GRB10: variants seen among roughly 807,000 people sequenced by gnomAD.
GRB10 encodes growth factor receptor-bound protein 10.
In GRB10, 20 loss-of-function variants were observed where a neutral mutation model predicts 80.9. The observed-to-expected ratio is 0.25, with a 90% CI of 0.17 to 0.36. The LOEUF (loss-of-function observed/expected upper bound fraction) is 0.36. GRB10 is among the 10% of genes least tolerant of loss of function. GRB10 has a pLI of 1.00. For synonymous variants in GRB10, 291 were observed against 291.5 expected (o/e 1.00, Z 0.02); for missense variants, 548 against 747.7 (o/e 0.73, Z 3.12).
At chr7:50,684,972 T>C (rs1436173809) in intron 5 of GRB10, among the ~76,000 whole-genome samples, 2 of 152,216 alleles carry the variant, frequency 1.3e-5, no homozygotes, top group Admixed American at 6.5e-5. Flanking sequence ...ACACTGGAAC[T>C]GAAGAGGGAA....
chr7:50,634,133 TTAGA>T (rs1240268414), intron 7 of GRB10, among the ~76,000 whole-genome samples: 1 of 152,160 alleles, frequency 6.6e-6, no homozygotes, highest in African/African-American at 2.4e-5. Flanking sequence ...TCAAAAGCAG[TTAGA>T]TAGAAGTGTC....
intron 1 of GRB10, chr7:50,792,534 C>G: frequency 1.3e-5 from 5 of 398,602 alleles, no homozygotes; most frequent in Non-Finnish European, 1.8e-5. Context: ...TCAGAAATTT[C>G]CTTCTGCAAA....
rs775220979 is a variant in GRB10, at chr7:50,728,813, G to A, written c.51+3459C>T. On this transcript the variant is annotated intron_variant, in intron 4 of 18. Transcript: ENST00000401949. ...AGCTTCCTGAGTAGCTGGGATAACA[G>A]GTGTGCGCCACCACGCCTGACTAAT... Among the ~76,000 whole-genome samples the A allele has an allele frequency of 7.0e-4, 106 of 152,144 alleles. 2 individuals carry two copies. Among genetic ancestry groups the A allele is most frequent in the Non-Finnish European group, 1.8e-4 (12 of 68,030 alleles).
intron 4 of GRB10, among the ~76,000 whole-genome samples, chr7:50,723,861 C>A (rs2068153484): frequency 6.6e-6 from 1 of 152,188 alleles, no homozygotes; most frequent in African/African-American, 2.4e-5. Flanking sequence ...TCAAGGCAAA[C>A]AGACATAGGA....
intron 2 of GRB10, among the ~76,000 whole-genome samples, chr7:50,760,390 C>T (rs983953703): frequency 7.9e-5 from 12 of 152,084 alleles, no homozygotes; most frequent in Admixed American, 5.9e-4. Flanking sequence ...AATGGAAACA[C>T]GCTAAGTTCC....
chr7:50,670,270 C>CT (rs1271181278), intron 6 of GRB10, among the ~76,000 whole-genome samples: 1 of 151,260 alleles, frequency 6.6e-6, no homozygotes, highest in African/African-American at 2.4e-5. Flanking sequence ...TGCCAGGGGA[C>CT]TAAGGGGAGG....
At chr7:50,756,704 C>T (rs6593164) in intron 2 of GRB10, among the ~76,000 whole-genome samples, 93,920 of 151,956 alleles carry the variant, frequency 0.62, 31,925 homozygotes, top group Middle Eastern at 0.87. Context: ...GGGTGGAGAC[C>T]AATTGAAACC....
intron 5 of GRB10, among the ~76,000 whole-genome samples, chr7:50,697,766 G>A (rs2063628367): frequency 2.6e-5 from 4 of 152,246 alleles, no homozygotes; most frequent in African/African-American, 9.6e-5. Context: ...GTCAGGCACA[G>A]AGATGGGAAA....
chr7:50,745,378 C>T (rs2072710668), intron 3 of GRB10, among the ~76,000 whole-genome samples: 1 of 152,136 alleles, frequency 6.6e-6, no homozygotes, highest in Non-Finnish European at 1.5e-5. Flanking sequence ...TTACAAATTA[C>T]CGAATGCCTT....
At chr7:50,597,916 T>G (rs1023072023) in intron 17 of GRB10, among the ~76,000 whole-genome samples, 1 of 152,104 alleles carries the variant, frequency 6.6e-6, no homozygotes, top group African/African-American at 2.4e-5. Context: ...CAGGCTGGAG[T>G]GCAATGGTGC....
intron 5 of GRB10, among the ~76,000 whole-genome samples, chr7:50,693,640 G>A (rs2063088346): frequency 6.6e-6 from 1 of 152,236 alleles, no homozygotes; most frequent in Admixed American, 6.5e-5. Context: ...AGCAATCAAG[G>A]AAAATGTTTT....
chr7:50,605,085 CAG>C, intron 15 of GRB10: 2 of 597,062 alleles, frequency 3.3e-6, no homozygotes, highest in Non-Finnish European at 6.0e-6. Context: ...GCCCAGGGGA[CAG>C]GGGACAGCGG....
intron 3 of GRB10, among the ~76,000 whole-genome samples, chr7:50,746,749 C>T (rs1278436819): frequency 1.3e-5 from 2 of 152,146 alleles, no homozygotes; most frequent in Admixed American, 6.5e-5. Flanking sequence ...CTGCAGAACA[C>T]CCATATCACT....
chr7:50,713,307 T>C (rs538448098), intron 4 of GRB10, among the ~76,000 whole-genome samples: 16 of 151,712 alleles, frequency 1.1e-4, no homozygotes, highest in African/African-American at 3.6e-4. Flanking sequence ...CCTCCCGACA[T>C]TTCCACCAGC....
chr7:50,792,254 T>C (rs1240821282), intron 1 of GRB10, among the ~76,000 whole-genome samples: 1 of 148,680 alleles, frequency 6.7e-6, no homozygotes, highest in Non-Finnish European at 1.5e-5. Flanking sequence ...CCCCCATCTC[T>C]TGAATGAAAC....
upstream of GRB10, among the ~76,000 whole-genome samples, chr7:50,785,418 T>C (rs2078651661): frequency 6.6e-6 from 1 of 152,252 alleles, no homozygotes; most frequent in Non-Finnish European, 1.5e-5. Context: ...CCCTATGTCC[T>C]GCAGCACAGC....
intron 6 of GRB10, among the ~76,000 whole-genome samples, chr7:50,671,641 A>T (rs1413917077): frequency 6.6e-6 from 1 of 152,258 alleles, no homozygotes; most frequent in Non-Finnish European, 1.5e-5. Context: ...CGTCCAACTG[A>T]AACGTCTGGC....
intron 2 of GRB10, among the ~76,000 whole-genome samples, chr7:50,768,995 C>T (rs2076684372): frequency 6.6e-6 from 1 of 152,166 alleles, no homozygotes; most frequent in Non-Finnish European, 1.5e-5. Flanking sequence ...CAGAAAGCTA[C>T]CCGGGACCAC....
At chr7:50,764,415 T>G (rs2076112364) in intron 2 of GRB10, among the ~76,000 whole-genome samples, 1 of 152,180 alleles carries the variant, frequency 6.6e-6, no homozygotes, top group Admixed American at 6.5e-5. Flanking sequence ...CTGTATCCCA[T>G]CTCTTAGCAC....
Sources: allele counts gnomAD v4.1 joint callset (sites outside exome capture counted in the v4.1 genomes callset), GRCh38; gene constraint gnomAD v4.1.1; transcripts MANE v1.5; gene names NCBI Gene and HGNC (gene_info 2026-07-23, HGNC 2026-07-21).